CDH11: variants seen among roughly 807,000 people sequenced by gnomAD.
CDH11 encodes cadherin 11, also known as cadherin-11.
A neutral mutation model predicts 67.8 loss-of-function variants in CDH11; 11 were observed. The observed-to-expected ratio is 0.16, with a 90% confidence interval of 0.10 to 0.27. The LOEUF is 0.27. CDH11 is among the 10% of genes least tolerant of loss of function. CDH11 has a pLI of 1.00. For missense variants in CDH11, 847 were observed against 1,031.2 expected (o/e 0.82, Z 2.45); for synonymous variants, 419 against 400.0 (o/e 1.05, Z -0.57).
intron 1 of CDH11, among the ~76,000 whole-genome samples, chr16:65,100,905 A>T (rs2142856731): frequency 6.6e-6 from 1 of 152,234 alleles, no homozygotes; most frequent in East Asian, 1.9e-4. Flanking sequence ...TGAAAAAACA[A>T]TTCCATGCCC....
At chr16:64,950,155 C>T (rs995553406) in intron 12 of CDH11, among the ~76,000 whole-genome samples, 1 of 152,054 alleles carries the variant, frequency 6.6e-6, no homozygotes, top group African/African-American at 2.4e-5. Context: ...CAGAATAAAC[C>T]ACAGGTAAGA....
intron 2 of CDH11, among the ~76,000 whole-genome samples, chr16:65,025,364 T>A (rs1048970256): frequency 2.6e-5 from 4 of 152,070 alleles, no homozygotes; most frequent in Admixed American, 6.6e-5. Context: ...TGAGACAGAG[T>A]CTCGCTCTGC....
chr16:65,105,733 G>A (rs763558117), intron 1 of CDH11, among the ~76,000 whole-genome samples: 2 of 152,174 alleles, frequency 1.3e-5, no homozygotes, highest in African/African-American at 2.4e-5. Context: ...AGTGGGCCAA[G>A]CTGACACAAT....
chr16:65,093,628 G>A (rs1038187308), intron 1 of CDH11, among the ~76,000 whole-genome samples: 1 of 152,212 alleles, frequency 6.6e-6, no homozygotes, highest in East Asian at 1.9e-4. Context: ...CGCGTACACA[G>A]CAGTTATTTT....
At chr16:64,978,468 C>T (rs1251135280) in intron 8 of CDH11, among the ~76,000 whole-genome samples, 7 of 152,150 alleles carry the variant, frequency 4.6e-5, no homozygotes, top group Admixed American at 4.6e-4. Flanking sequence ...TCCCATATAA[C>T]ATTATCTACA....
At position 65,093,210 on chromosome 16, in the gene CDH11, C is replaced by CTTT. The variant is rs35724614; in HGVS notation, c.-298+28667_-298+28669dup. ...GCCTTGGCCTCCCAGTGTTGGGTTC[C>CTTT]TTTTTTTTTTTTTTTTTTTTTTAAG... On this transcript the variant is annotated intron_variant, in intron 1 of 12. Transcript: ENST00000268603. 1.9e-4 allele frequency among the ~76,000 whole-genome samples: 23 copies of CTTT among 119,100 alleles called. No homozygotes were observed. In the East Asian group the frequency reaches 3.1e-3, roughly 16 times the overall value. The allele number at this position is 119,100 out of a possible 152,430, so 78.1% of individuals were successfully genotyped here. A position where few individuals can be genotyped will look rare whatever the true frequency, so the allele number is the denominator to read the frequency against.
chr16:64,982,511 C>T, intron 7 of CDH11: 2 of 544,722 alleles, frequency 3.7e-6, no homozygotes, highest in Non-Finnish European at 6.5e-6. Context: ...ATTCGAAGAG[C>T]ACAACAGACA....
intron 2 of CDH11, among the ~76,000 whole-genome samples, chr16:65,005,596 A>G (rs2142531636): frequency 6.6e-6 from 1 of 152,306 alleles, no homozygotes; most frequent in Admixed American, 6.5e-5. Flanking sequence ...CTGTTAGGGA[A>G]GGGATGTAGG....
intron 1 of CDH11, among the ~76,000 whole-genome samples, chr16:65,069,004 C>G (rs2074368554): frequency 6.6e-6 from 1 of 152,152 alleles, no homozygotes; most frequent in Non-Finnish European, 1.5e-5. Context: ...AGGCTGACTC[C>G]AAACAGAAAA....
intron 2 of CDH11, among the ~76,000 whole-genome samples, chr16:65,044,626 C>A (rs1208858575): frequency 6.6e-6 from 1 of 151,870 alleles, no homozygotes. Flanking sequence ...TCTGCTCACT[C>A]GGACAAATGG....
At chr16:64,962,557 G>C (rs1471163139) in intron 11 of CDH11, among the ~76,000 whole-genome samples, 1 of 152,074 alleles carries the variant, frequency 6.6e-6, no homozygotes, top group African/African-American at 2.4e-5. Flanking sequence ...CCAGTCACAG[G>C]ACCTCTCCCG....
intron 2 of CDH11, among the ~76,000 whole-genome samples, chr16:65,018,098 T>G (rs2073347884): frequency 6.6e-6 from 1 of 152,196 alleles, no homozygotes; most frequent in Non-Finnish European, 1.5e-5. Context: ...TTTTAAAGCC[T>G]TAAGCTCAGT....
In CDH11 at chr16:64,982,467, C is replaced by A. The variant is rs116697370; in HGVS notation, c.1000-166G>T. Reference sequence around the variant, plus strand: ...CATTTGGTCAGAAAATCACACAAATCAATTGCTGAAACCTAGAATGTGCTT... The same window carrying A: ...CATTTGGTCAGAAAATCACACAAATAAATTGCTGAAACCTAGAATGTGCTT... On this transcript the variant is annotated intron_variant, in intron 7 of 12. Transcript: ENST00000268603. 1.8e-3 allele frequency: 1,114 copies of A among 612,312 alleles called. 13 individuals are homozygous for A. In the African/African-American group the frequency reaches 0.019, roughly 10 times the overall value. 37.9% of individuals were successfully genotyped at this position (612,312 alleles called of 1,614,324 possible).
chr16:64,971,415 C>T (rs972912815), intron 11 of CDH11, among the ~76,000 whole-genome samples, 164 bp downstream of exon 11: 1 of 152,190 alleles, frequency 6.6e-6, no homozygotes, highest in African/African-American at 2.4e-5. Context: ...TCGCATGCAT[C>T]AAATGAGCCC....
At chr16:65,030,352 A>G (rs902684320) in intron 2 of CDH11, among the ~76,000 whole-genome samples, 10 of 152,220 alleles carry the variant, frequency 6.6e-5, no homozygotes, top group Non-Finnish European at 2.9e-5. Context: ...TCAAAATCCT[A>G]TATTTTGTCT....
intron 7 of CDH11, chr16:64,982,603 T>G (rs2072383332): frequency 3.8e-6 from 1 of 262,380 alleles, no homozygotes; most frequent in South Asian, 1.0e-4. Flanking sequence ...AAGAATTACC[T>G]AAGGAAGGGA....
chr16:65,066,130 T>C (rs1313280344), intron 1 of CDH11, among the ~76,000 whole-genome samples: 12 of 152,232 alleles, frequency 7.9e-5, no homozygotes, highest in Non-Finnish European at 1.3e-4. Flanking sequence ...TAGGAACCCA[T>C]TGCTTTGCCT....
intron 2 of CDH11, among the ~76,000 whole-genome samples, chr16:65,040,607 AATG>A (rs1415845507): frequency 1.3e-5 from 2 of 152,282 alleles, no homozygotes; most frequent in South Asian, 4.1e-4. Context: ...CCTAATGTTA[AATG>A]ATGAGTTAAT....
At chr16:64,970,986 A>C (rs893673762) in intron 11 of CDH11, among the ~76,000 whole-genome samples, 2 of 152,248 alleles carry the variant, frequency 1.3e-5, no homozygotes, top group African/African-American at 4.8e-5. Context: ...ATCTATTTCT[A>C]ATAATCTGCA....
Sources: gnomAD v4.1 joint callset for allele counts (sites outside exome capture counted in the v4.1 genomes callset) on GRCh38, gnomAD v4.1.1 for gene constraint, MANE v1.5 for transcripts, NCBI Gene and HGNC (gene_info 2026-07-23, HGNC 2026-07-21) for gene names.